Variants in SAMD5 observed in about 807,000 individuals in gnomAD.
The protein encoded by SAMD5 is sterile alpha motif domain containing 5.
A neutral mutation model predicts 11.3 loss-of-function variants in SAMD5; 13 were observed. That is an observed-to-expected ratio of 1.15 (90% CI 0.75 to 1.83). The LOEUF (loss-of-function observed/expected upper bound fraction) is 1.83. SAMD5 is among the 40% of genes most tolerant of loss of function. The pLI, the probability that SAMD5 is intolerant of heterozygous loss-of-function variation, is 0.00. For missense variants in SAMD5, 255 were observed against 239.1 expected (o/e 1.07, Z -0.44); for synonymous variants, 129 against 111.3 (o/e 1.16, Z -1.00).
chr6:147,930,208 T>TA, the SAMD5 span, among the ~76,000 whole-genome samples: 1 of 152,172 alleles, frequency 6.6e-6, no homozygotes. Context: ...TTCCATCTGA[T>TA]ACCTCCTCTG....
In SAMD5 at chr6:147,736,362, C is replaced by A. The variant is rs181189227; in HGVS notation, c.163-955C>A. Among the ~76,000 whole-genome samples the A allele has an allele frequency of 3.3e-5, 5 of 152,206 alleles. No individual in the cohort carries two copies. The East Asian group carries it at 5.8e-4, about 18-fold the overall frequency. ...CATAGCCATTTTACATCCTTTAATT[C>A]TTTTCTTTAAAATACTGTCAAAACT... On this transcript the variant is annotated intron_variant, in intron 1 of 1. Coordinates refer to the SAMD5 transcript ENST00000566741.
intron 1 of SAMD5, among the ~76,000 whole-genome samples, chr6:147,540,675 T>A (rs918714447): frequency 2.0e-5 from 3 of 152,088 alleles, no homozygotes; most frequent in Admixed American, 6.6e-5. Flanking sequence ...TACACCAGAT[T>A]TGCTACCGCC....
intron 1 of SAMD5, among the ~76,000 whole-genome samples, chr6:147,516,933 G>A (rs1788180374): frequency 6.6e-6 from 1 of 152,146 alleles, no homozygotes. Context: ...AGGCTCACCG[G>A]ATATTATGTG....
intron 1 of SAMD5, among the ~76,000 whole-genome samples, chr6:147,730,984 T>C (rs940002997): frequency 1.3e-5 from 2 of 152,168 alleles, no homozygotes; most frequent in African/African-American, 2.4e-5. Flanking sequence ...ATAGTAACCA[T>C]GACAATAATA....
chr6:147,768,872 C>A, the SAMD5 span, among the ~76,000 whole-genome samples: 3 of 152,178 alleles, frequency 2.0e-5, no homozygotes, highest in African/African-American at 4.8e-5. Flanking sequence ...CAGCTCACTG[C>A]AACCTCCGCC....
intron 1 of SAMD5, among the ~76,000 whole-genome samples, chr6:147,622,096 G>A (rs562365712): frequency 1.3e-5 from 2 of 152,270 alleles, no homozygotes; most frequent in Admixed American, 1.3e-4. Context: ...CTCACCAGCT[G>A]GAGCCTGACA....
chr6:147,813,064 G>A, the SAMD5 span, among the ~76,000 whole-genome samples: 12 of 152,142 alleles, frequency 7.9e-5, no homozygotes, highest in African/African-American at 2.9e-4. Flanking sequence ...ACTAAATCAG[G>A]AGACAAGTAC....
At chr6:147,517,048 G>A (rs1788181980) in intron 1 of SAMD5, among the ~76,000 whole-genome samples, 1 of 152,168 alleles carries the variant, frequency 6.6e-6, no homozygotes, top group Non-Finnish European at 1.5e-5. Flanking sequence ...TTTTCACTGA[G>A]GTAGAAAGTC....
At chr6:147,601,861 G>T (rs992083536) in intron 1 of SAMD5, among the ~76,000 whole-genome samples, 2 of 152,156 alleles carry the variant, frequency 1.3e-5, no homozygotes, top group African/African-American at 4.8e-5. Flanking sequence ...AGAAGCAGCT[G>T]CCAGAAGGAA....
the SAMD5 span, among the ~76,000 whole-genome samples, chr6:147,798,296 TC>T: frequency 6.6e-6 from 1 of 150,632 alleles, no homozygotes. Context: ...TCAAAGAACA[TC>T]TTTATTTCTG....
chr6:147,748,160 C>G, the SAMD5 span, among the ~76,000 whole-genome samples: 1 of 152,172 alleles, frequency 6.6e-6, no homozygotes, highest in Non-Finnish European at 1.5e-5. Flanking sequence ...TCCCAATTAT[C>G]AAGTCTGGTT....
intron 1 of SAMD5, among the ~76,000 whole-genome samples, chr6:147,575,454 C>A (rs1328496938): frequency 6.6e-6 from 1 of 152,236 alleles, no homozygotes; most frequent in Non-Finnish European, 1.5e-5. Flanking sequence ...CCACGAATGG[C>A]AGCCATATTT....
chr6:147,647,958 T>C (rs1338628492), intron 1 of SAMD5, among the ~76,000 whole-genome samples: 2 of 152,222 alleles, frequency 1.3e-5, no homozygotes, highest in Non-Finnish European at 2.9e-5. Context: ...ATTAAGTAAA[T>C]TGATCAAGGT....
chr6:147,770,050 T>G, the SAMD5 span, among the ~76,000 whole-genome samples: 1 of 152,166 alleles, frequency 6.6e-6, no homozygotes, highest in Admixed American at 6.5e-5. Context: ...TGGCTTTACT[T>G]TAGTTTCTTA....
intron 1 of SAMD5, among the ~76,000 whole-genome samples, chr6:147,617,123 G>T (rs764142781): frequency 1.3e-5 from 2 of 151,990 alleles, no homozygotes; most frequent in Non-Finnish European, 2.9e-5. Context: ...TATGTGAGGG[G>T]TATCATATCC....
At chr6:147,798,110 C>G in the SAMD5 span, among the ~76,000 whole-genome samples, 7 of 145,722 alleles carry the variant, frequency 4.8e-5, no homozygotes, top group Non-Finnish European at 1.0e-4. Context: ...CTTCTGCTAG[C>G]TTTTGAATGT....
the SAMD5 span, among the ~76,000 whole-genome samples, chr6:147,855,159 A>G: frequency 6.6e-6 from 1 of 152,320 alleles, no homozygotes; most frequent in African/African-American, 2.4e-5. Context: ...AAGTGAAATC[A>G]GTCTTAAAAT....
At chr6:147,862,133 G>C in the SAMD5 span, among the ~76,000 whole-genome samples, 1 of 152,048 alleles carries the variant, frequency 6.6e-6, no homozygotes, top group Non-Finnish European at 1.5e-5. Context: ...TCAGATAAGA[G>C]ATGGGATTTG....
the SAMD5 span, among the ~76,000 whole-genome samples, chr6:147,827,052 C>T: frequency 1.3e-5 from 2 of 152,142 alleles, no homozygotes; most frequent in African/African-American, 4.8e-5. Context: ...CTAATCAGAT[C>T]ATCTTCCTTG....
Sources: allele counts gnomAD v4.1 joint callset (sites outside exome capture counted in the v4.1 genomes callset), GRCh38; gene constraint gnomAD v4.1.1; transcripts MANE v1.5; gene names NCBI Gene and HGNC (gene_info 2026-07-23, HGNC 2026-07-21).